The following TSC22D3 variants were observed in gnomAD, a reference collection of about 807,000 sequenced individuals.
The protein encoded by TSC22D3 is TSC22 domain family member 3.
TSC22D3 carries 4 observed loss-of-function variants against 11.1 expected under a neutral mutation model. The observed-to-expected ratio is 0.36, with a 90% CI of 0.18 to 0.83. TSC22D3 has a LOEUF of 0.83. TSC22D3 is among the 40% of genes least tolerant of loss of function. The pLI, the probability that TSC22D3 is intolerant of heterozygous loss-of-function variation, is 0.48. For missense variants in TSC22D3, 118 were observed against 159.4 expected (o/e 0.74, Z 1.40); for synonymous variants, 77 against 70.3 (o/e 1.10, Z -0.48).
At chrX:107,724,060 A>T (rs148644542) in intron 1 of TSC22D3, among the ~76,000 whole-genome samples, 1,829 of 112,728 alleles carry the variant, frequency 0.016, 35 homozygotes, top group African/African-American at 0.055. Context: ...AGAGCTATTC[A>T]CCATGAGCTC....
intron 1 of TSC22D3, among the ~76,000 whole-genome samples, chrX:107,744,588 C>T (rs1422724705): frequency 8.9e-6 from 1 of 112,321 alleles, no homozygotes; most frequent in African/African-American, 3.2e-5. Context: ...CCTATTCTAA[C>T]CACTTTTATT....
At chrX:107,734,188 C>T (rs1233562023) in intron 1 of TSC22D3, among the ~76,000 whole-genome samples, 4 of 112,146 alleles carry the variant, frequency 3.6e-5, no homozygotes, top group African/African-American at 1.3e-4. Context: ...GGCTTCCCTT[C>T]CCAGAACTGA....
At chrX:107,738,208 G>A (rs1378924792) in intron 1 of TSC22D3, among the ~76,000 whole-genome samples, 1 of 112,566 alleles carries the variant, frequency 8.9e-6, no homozygotes, top group African/African-American at 3.2e-5. Context: ...ATGTCCCCTG[G>A]GCACCTGAGT....
intron 1 of TSC22D3, among the ~76,000 whole-genome samples, chrX:107,762,846 CTT>C (rs1170456785): frequency 1.1e-3 from 50 of 44,761 alleles, no homozygotes; most frequent in African/African-American, 3.9e-3. Context: ...TGCACATGTA[CTT>C]TTTTTTTTTT....
At chrX:107,729,069 T>C (rs1051264587) in intron 1 of TSC22D3, among the ~76,000 whole-genome samples, 1 of 112,316 alleles carries the variant, frequency 8.9e-6, no homozygotes, top group Non-Finnish European at 1.9e-5. Context: ...AAGGAGATTG[T>C]TTTCTCCTTC....
Position 107,765,174 on chromosome X carries a change from T to A in TSC22D3, c.320+9926A>T, listed in dbSNP as rs751111834. Among the ~76,000 whole-genome samples, 422 of 112,130 alleles carry A rather than the reference T, an allele frequency of 3.8e-3. 6 individuals are homozygous for A. The highest frequency in any genetic ancestry group is 0.013 in the African/African-American group (409 of 30,911). On this transcript the variant is annotated intron_variant, in intron 1 of 2. Coordinates refer to ENST00000372383, the MANE Select transcript of TSC22D3 (RefSeq NM_198057.3). ...CTGAAAGCCCTGCTGCTTTCCATCG[T>A]GCCAAAGCCAACCCATTCTTTCAGG... is the stretch of plus-strand genomic sequence containing the variant.
At chrX:107,752,980 A>T (rs1160939893) in intron 1 of TSC22D3, among the ~76,000 whole-genome samples, 2 of 112,061 alleles carry the variant, frequency 1.8e-5, no homozygotes, top group Non-Finnish European at 3.8e-5. Flanking sequence ...GGCTGCAGGA[A>T]CCAGAGAAGC....
At chrX:107,750,828 G>A (rs1464336367) in intron 1 of TSC22D3, among the ~76,000 whole-genome samples, 2 of 111,774 alleles carry the variant, frequency 1.8e-5, no homozygotes, top group Non-Finnish European at 3.8e-5. Context: ...GAGGCAGACG[G>A]CACAGTGTCA....
chrX:107,730,257 C>T (rs1927822523), intron 1 of TSC22D3, among the ~76,000 whole-genome samples: 1 of 111,650 alleles, frequency 9.0e-6, no homozygotes, highest in African/African-American at 3.3e-5. Flanking sequence ...GATGAAACTC[C>T]CTGGTGTGTG....
chrX:107,739,315 G>A (rs1198849387), intron 1 of TSC22D3, among the ~76,000 whole-genome samples: 1 of 112,968 alleles, frequency 8.9e-6, no homozygotes, highest in Non-Finnish European at 1.9e-5. Flanking sequence ...CTAGGAATGA[G>A]GAATCTTGAT....
At chrX:107,716,962 C>T in intron 1 of TSC22D3, 1 of 1,059,120 alleles carries the variant, frequency 9.4e-7, no homozygotes, top group South Asian at 2.6e-5. Context: ...AGAACGAACC[C>T]AAAGCCAAGC....
intron 1 of TSC22D3, among the ~76,000 whole-genome samples, chrX:107,727,175 G>C (rs1231440673): frequency 2.7e-5 from 3 of 112,268 alleles, no homozygotes; most frequent in African/African-American, 9.7e-5. Flanking sequence ...TTGGCCTACA[G>C]AGCTGATACT....
intron 1 of TSC22D3, among the ~76,000 whole-genome samples, chrX:107,733,031 C>T (rs964692845): frequency 2.8e-5 from 3 of 106,485 alleles, no homozygotes; most frequent in African/African-American, 7.0e-5. Context: ...CCCAGGAAGT[C>T]GAGGCTGCAG....
chrX:107,714,384 A>C lies in TSC22D3; in HGVS notation c.*135T>G. On this transcript the variant is annotated 3_prime_UTR_variant, in exon 3 of 3. Coordinates refer to ENST00000372383, the MANE Select transcript of TSC22D3 (RefSeq NM_198057.3). ...AGTGGACCCAGGTGGCCATGTCCTTAGGACATCTCTTGGCACCAGCTGTGC... is the reference window on the plus strand; with the variant it reads ...AGTGGACCCAGGTGGCCATGTCCTTCGGACATCTCTTGGCACCAGCTGTGC... 1 of 570,879 alleles carries C rather than the reference A, an allele frequency of 1.8e-6. No individual in the cohort carries two copies. Among genetic ancestry groups the C allele is most frequent in the Non-Finnish European group, 2.7e-6 (1 of 369,036 alleles). The allele number at this position is 570,879 out of a possible 1,213,427, so 47.0% of individuals were successfully genotyped here.
At chrX:107,759,130 T>C (rs1427419626) in intron 1 of TSC22D3, among the ~76,000 whole-genome samples, 2 of 111,511 alleles carry the variant, frequency 1.8e-5, no homozygotes, top group South Asian at 3.8e-4. Context: ...CCTCCTAAAG[T>C]GCTGGGATTA....
At chrX:107,770,265 T>A (rs1372809604) in intron 1 of TSC22D3, among the ~76,000 whole-genome samples, 1 of 111,922 alleles carries the variant, frequency 8.9e-6, no homozygotes, top group Non-Finnish European at 1.9e-5. Flanking sequence ...GAATCTTAAA[T>A]AGTATGAACT....
chrX:107,748,469 C>G (rs1928774151), intron 1 of TSC22D3, among the ~76,000 whole-genome samples: 1 of 111,729 alleles, frequency 9.0e-6, no homozygotes, highest in African/African-American at 3.3e-5. Context: ...TCGCTGCCTC[C>G]TTGGGTCAGC....
chrX:107,736,950 C>T (rs911220705), intron 1 of TSC22D3, among the ~76,000 whole-genome samples: 4 of 111,955 alleles, frequency 3.6e-5, no homozygotes, highest in African/African-American at 9.7e-5. Flanking sequence ...TAGAGAGTGG[C>T]GTCAAAGCCC....
At chrX:107,759,269 T>C (rs1929323320) in intron 1 of TSC22D3, among the ~76,000 whole-genome samples, 1 of 111,334 alleles carries the variant, frequency 9.0e-6, no homozygotes, top group African/African-American at 3.3e-5. Context: ...CTCTTTTTTT[T>C]GTCTTATGTG....
Sources: allele counts gnomAD v4.1 joint callset (sites outside exome capture counted in the v4.1 genomes callset), GRCh38; gene constraint gnomAD v4.1.1; transcripts MANE v1.5; gene names NCBI Gene and HGNC (gene_info 2026-07-23, HGNC 2026-07-21).